Variants in SLC23A2 observed in about 807,000 individuals in gnomAD.
The protein encoded by SLC23A2 is Na(+)/L-ascorbic acid transporter 2.
SLC23A2 carries 36 observed loss-of-function variants against 73.3 expected under a neutral mutation model. The observed-to-expected ratio is 0.49, with a 90% CI of 0.38 to 0.65. SLC23A2 has a LOEUF of 0.65. Among genes scored for constraint, SLC23A2 ranks in the 30% least tolerant of loss-of-function variants. SLC23A2 has a pLI of 0.00. For synonymous variants in SLC23A2, 343 were observed against 327.3 expected (o/e 1.05, Z -0.52); for missense variants, 507 against 841.6 (o/e 0.60, Z 4.92).
intron 2 of SLC23A2, among the ~76,000 whole-genome samples, chr20:4,950,988 C>G (rs566297022): frequency 2.0e-5 from 3 of 152,238 alleles, no homozygotes; most frequent in Admixed American, 6.5e-5. Flanking sequence ...CCAGGTGCTT[C>G]AACTGCTCAG....
intron 3 of SLC23A2, among the ~76,000 whole-genome samples, chr20:4,915,273 C>A (rs1242708552): frequency 6.6e-6 from 1 of 152,038 alleles, no homozygotes; most frequent in Non-Finnish European, 1.5e-5. Context: ...TTACTCACAA[C>A]CCTTTGTAAG....
chr20:4,860,607 C>G (rs1929921690), intron 15 of SLC23A2, among the ~76,000 whole-genome samples: 1 of 152,182 alleles, frequency 6.6e-6, no homozygotes, highest in African/African-American at 2.4e-5. Flanking sequence ...AACATAACTT[C>G]ATGAATAATG....
intron 1 of SLC23A2, among the ~76,000 whole-genome samples, chr20:5,007,072 A>G (rs2088199962): frequency 6.6e-6 from 1 of 152,092 alleles, no homozygotes; most frequent in Non-Finnish European, 1.5e-5. Flanking sequence ...TCCATCGATC[A>G]GGGAATGGCT....
rs192388623 is a variant in SLC23A2 at position 4,971,964 on chromosome 20, C to T, written c.-281-1045G>A. Among the ~76,000 whole-genome samples, 19 of 152,254 alleles carry T rather than the reference C, an allele frequency of 1.2e-4. No individual in the cohort carries two copies. The East Asian group carries it at 2.7e-3, about 22-fold the overall frequency. ...ACGGGGAGGGTGCTTCTCAAAAAGCCGGTCACATTCTGTTTCTCAAACTGG... is the reference window on the plus strand; with the variant it reads ...ACGGGGAGGGTGCTTCTCAAAAAGCTGGTCACATTCTGTTTCTCAAACTGG... On this transcript the variant is annotated intron_variant, in intron 1 of 16. Coordinates refer to ENST00000338244, the MANE Select transcript of SLC23A2 (RefSeq NM_005116.6).
intron 2 of SLC23A2, among the ~76,000 whole-genome samples, chr20:4,950,540 G>A (rs1217919172): frequency 6.6e-6 from 1 of 152,164 alleles, no homozygotes; most frequent in Admixed American, 6.5e-5. Context: ...CAAAAGTGAT[G>A]CATGCACACT....
chr20:4,882,643 T>C (rs553706408), intron 9 of SLC23A2, among the ~76,000 whole-genome samples: 2 of 152,286 alleles, frequency 1.3e-5, no homozygotes, highest in African/African-American at 4.8e-5. Context: ...CTTAATTCAC[T>C]GTATGACTCT....
At chr20:4,983,105 C>CA (rs911516460) in intron 1 of SLC23A2, among the ~76,000 whole-genome samples, 5 of 150,630 alleles carry the variant, frequency 3.3e-5, no homozygotes, top group East Asian at 2.0e-4. Context: ...AACTCCATCT[C>CA]AAAAAAAAGA....
At chr20:4,869,863 A>C (rs780567136) in intron 12 of SLC23A2, 43 bp downstream of exon 12, 10 of 1,549,240 alleles carry the variant, frequency 6.5e-6, no homozygotes, top group Middle Eastern at 1.7e-4. Flanking sequence ...CAAAGTAACA[A>C]GGTGCTGGGA....
intron 4 of SLC23A2, among the ~76,000 whole-genome samples, chr20:4,911,182 G>C (rs553092835): frequency 6.6e-6 from 1 of 152,180 alleles, no homozygotes; most frequent in East Asian, 1.9e-4. Context: ...CTCAGCTGCA[G>C]ACCACAGGCA....
In SLC23A2 at chr20:4,874,704, GA is replaced by G; in HGVS notation, c.825-9del. 1 of 1,576,584 alleles carries G rather than the reference GA, an allele frequency of 6.3e-7. No homozygotes were observed. Among genetic ancestry groups the G allele is most frequent in the South Asian group, 1.2e-5 (1 of 85,672 alleles). On this transcript the variant is annotated splice_polypyrimidine_tract_variant and intron_variant, in intron 9 of 16. Coordinates refer to ENST00000338244, the MANE Select transcript of SLC23A2 (RefSeq NM_005116.6). ...AATACTAGGAATATTGTCCTGAGGA[GA>G]GAAAGAAAACAAACTAGGTCAAAAG... is the stretch of plus-strand genomic sequence containing the variant.
At chr20:4,924,344 G>C (rs1157958409) in intron 3 of SLC23A2, among the ~76,000 whole-genome samples, 6 of 152,080 alleles carry the variant, frequency 3.9e-5, no homozygotes, top group African/African-American at 1.4e-4. Context: ...GCCTGGAATG[G>C]GTGTCTCTTT....
intron 9 of SLC23A2, among the ~76,000 whole-genome samples, chr20:4,880,529 G>T (rs1930840459): frequency 6.6e-6 from 1 of 152,102 alleles, no homozygotes; most frequent in African/African-American, 2.4e-5. Context: ...AAAAACACCA[G>T]AGCATAAATG....
intron 15 of SLC23A2, 65 bp downstream of exon 15, chr20:4,861,883 G>A (rs1237887132): frequency 2.6e-6 from 4 of 1,566,802 alleles, no homozygotes; most frequent in African/African-American, 1.4e-5. Context: ...TGGGCAAAGA[G>A]CTGCGTGTGG....
At chr20:4,874,798 A>C (rs1016896467) in intron 9 of SLC23A2, 102 bp from the exon 10 acceptor site, 27 of 937,266 alleles carry the variant, frequency 2.9e-5, no homozygotes, top group Non-Finnish European at 3.6e-5. Context: ...TGTTCAATTC[A>C]TTTACCTAGA....
chr20:4,880,042 C>T (rs1032463554), intron 9 of SLC23A2, among the ~76,000 whole-genome samples: 2 of 152,146 alleles, frequency 1.3e-5, no homozygotes, highest in Non-Finnish European at 2.9e-5. Flanking sequence ...ACTCAGGGCT[C>T]GTTGCTTAGA....
At position 4,852,977 on chromosome 20, in the gene SLC23A2, G is replaced by C. The variant is rs6052935; in HGVS notation, c.*3995C>G. 7,697 of 152,656 alleles carry C rather than the reference G, an allele frequency of 0.05. 480 individuals carry two copies. The highest frequency in any genetic ancestry group is 0.15 in the African/African-American group (6,174 of 41,528). 9.5% of individuals were successfully genotyped at this position (152,656 alleles called of 1,614,324 possible). ...TGAACGCTGGCAAAACCGGGTGGCC[G>C]TTCTTGCACTACTCGGGTTCTGACT... On this transcript the variant is annotated 3_prime_UTR_variant, in exon 17 of 17. Coordinates refer to ENST00000338244, the MANE Select transcript of SLC23A2 (RefSeq NM_005116.6). The surrounding 1 kb of genome is among the most constrained non-coding windows in gnomAD (Gnocchi z 4.3).
intron 2 of SLC23A2, among the ~76,000 whole-genome samples, chr20:4,961,195 C>T (rs977068182): frequency 6.6e-6 from 1 of 151,386 alleles, no homozygotes; most frequent in Non-Finnish European, 1.5e-5. Flanking sequence ...GCAACCTGCA[C>T]CTCCCAGGTT....
intron 7 of SLC23A2, among the ~76,000 whole-genome samples, chr20:4,885,373 T>C: frequency 6.6e-6 from 1 of 152,190 alleles, no homozygotes; most frequent in East Asian, 1.9e-4. Context: ...CTTAAGGATC[T>C]TTGCAATCAC....
intron 2 of SLC23A2, among the ~76,000 whole-genome samples, chr20:4,942,681 AC>A (rs1481988683): frequency 6.6e-6 from 1 of 152,232 alleles, no homozygotes; most frequent in Non-Finnish European, 1.5e-5. Context: ...CACCCCTCTC[AC>A]TGTGGCTTAG....
Sources: allele counts gnomAD v4.1 joint callset (sites outside exome capture counted in the v4.1 genomes callset), GRCh38; gene constraint gnomAD v4.1.1; non-coding constraint Gnocchi (gnomAD v3.1); transcripts MANE v1.5; gene names NCBI Gene and HGNC (gene_info 2026-07-23, HGNC 2026-07-21).